MINDY4B: variants seen among roughly 807,000 people sequenced by gnomAD.
MINDY4B encodes the protein MINDY family member 4B, also known as inactive ubiquitin carboxyl-terminal hydrolase MINDY-4B.
Under a neutral mutation model 16.7 loss-of-function variants are expected in MINDY4B, and 25 were observed. The ratio of observed to expected loss-of-function variants is 1.49; its 90% CI spans 1.09 to 2.09. The LOEUF (loss-of-function observed/expected upper bound fraction) is 2.09, where lower values mean the gene tolerates loss of function less well. Among genes scored for constraint, MINDY4B ranks in the 30% most tolerant of loss-of-function variants. The pLI, the probability that MINDY4B is intolerant of heterozygous loss-of-function variation, is 0.00. For missense variants in MINDY4B, 327 were observed against 168.4 expected (o/e 1.94, Z -5.21); for synonymous variants, 132 against 61.9 (o/e 2.13, Z -5.32).
At chr3:150,890,771 G>T in intron 6 of MINDY4B, 167 bp downstream of exon 6, 1 of 550,038 alleles carries the variant, frequency 1.8e-6, no homozygotes, top group Non-Finnish European at 3.3e-6. Context: ...ACTCTTTGTT[G>T]TGTCTGCTTG....
rs1238477769 is a variant in MINDY4B, at chr3:150,875,501, C to T, written c.1060-2134G>A. ...TATACACATATATGATATTGTTTCA[C>T]AGAATATTTGTAATGTAGGTGAAAT... On this transcript the variant is annotated intron_variant, in intron 10 of 11. Transcript: ENST00000465419. Among the ~76,000 whole-genome samples, 4 of 152,070 alleles carry T rather than the reference C, an allele frequency of 2.6e-5. 1 individual carries two copies. Among genetic ancestry groups the T allele is most frequent in the South Asian group, 4.1e-4 (2 of 4,828 alleles).
In MINDY4B at chr3:150,880,688, T is replaced by C. The variant is rs189551236; in HGVS notation, c.1059+2209A>G. Among the ~76,000 whole-genome samples, 434 of 152,302 alleles carry C rather than the reference T, an allele frequency of 2.8e-3. 1 individual carries two copies. The highest frequency in any genetic ancestry group is 0.01 in the African/African-American group (422 of 41,570). On this transcript the variant is annotated intron_variant, in intron 10 of 11. Transcript: ENST00000465419. ...TTTCTAGTTTATAGCGAGGATCCAG[T>C]GAAATAATCTTATGAAAGAGCTTTT...
intron 8 of MINDY4B, among the ~76,000 whole-genome samples, chr3:150,884,171 C>T (rs151186080): frequency 6.6e-6 from 1 of 152,186 alleles, no homozygotes; most frequent in South Asian, 2.1e-4. Flanking sequence ...ATGGAAAACA[C>T]GGTTGTGGCC....
chr3:150,887,281 G>C (rs1209942492), intron 7 of MINDY4B, among the ~76,000 whole-genome samples: 1 of 152,222 alleles, frequency 6.6e-6, no homozygotes, highest in Non-Finnish European at 1.5e-5. Flanking sequence ...GTGGGATGGA[G>C]TGAGATGGTG....
Position 150,871,095 on chromosome 3 carries a change from TG to T in MINDY4B, c.1332del (p.Lys445SerfsTer68). 5.7e-6 allele frequency: 4 copies of T among 702,910 alleles called. No individual in the cohort carries two copies. The Admixed American group carries it at 8.0e-5, about 14-fold the overall frequency. 43.5% of individuals were successfully genotyped at this position (702,910 alleles called of 1,614,324 possible). ...CAGTTGATGGTGGCCTCGCTCCACT[TG>T]GTTCTGATTGCCATCTCCACTGGTG... ...RFSPVEMAIR[T>X]KWSEATINWN... On this transcript the variant is annotated frameshift_variant, in exon 12 of 12. Transcript: ENST00000465419. LOFTEE classifies it high-confidence loss of function.
intron 9 of MINDY4B, among the ~76,000 whole-genome samples, 194 bp downstream of exon 9, chr3:150,883,506 T>C (rs1251691201): frequency 1.3e-5 from 2 of 152,230 alleles, no homozygotes; most frequent in Non-Finnish European, 2.9e-5. Context: ...ACGGTAGATT[T>C]TGATGCAACC....
intron 7 of MINDY4B, among the ~76,000 whole-genome samples, chr3:150,885,958 T>G (rs779303406): frequency 4.6e-5 from 7 of 152,234 alleles, no homozygotes; most frequent in Non-Finnish European, 7.3e-5. Context: ...AGAACTTTTC[T>G]CCAGGTTTAT....
At chr3:150,886,571 G>T (rs1576612005) in intron 7 of MINDY4B, among the ~76,000 whole-genome samples, 1 of 152,222 alleles carries the variant, frequency 6.6e-6, no homozygotes, top group Non-Finnish European at 1.5e-5. Context: ...CCGTTCTGGA[G>T]GTTAAAAGTC....
chr3:150,889,918 G>A (rs139719889), intron 7 of MINDY4B, among the ~76,000 whole-genome samples: 1 of 152,320 alleles, frequency 6.6e-6, no homozygotes, highest in African/African-American at 2.4e-5. Flanking sequence ...TTTTCAAGAA[G>A]CCAATTACTT....
intron 10 of MINDY4B, among the ~76,000 whole-genome samples, chr3:150,879,474 C>T (rs4680012): frequency 0.73 from 110,515 of 151,996 alleles, 40,808 homozygotes; most frequent in Non-Finnish European, 0.79. Flanking sequence ...AAGTCCTGCT[C>T]TGGAACAGAG....
At chr3:150,892,533 C>G (rs553498710) in intron 5 of MINDY4B, among the ~76,000 whole-genome samples, 38 of 152,314 alleles carry the variant, frequency 2.5e-4, no homozygotes, top group African/African-American at 8.7e-4. Context: ...ATATTTAGCA[C>G]AGGGCTTTGC....
At chr3:150,898,246 C>A (rs1712027163) in intron 3 of MINDY4B, among the ~76,000 whole-genome samples, 1 of 152,160 alleles carries the variant, frequency 6.6e-6, no homozygotes, top group African/African-American at 2.4e-5. Flanking sequence ...TGGAAAAAGA[C>A]CAGAGACTGG....
intron 11 of MINDY4B, 43 bp downstream of exon 11, chr3:150,873,144 G>T: frequency 1.5e-6 from 1 of 681,858 alleles, no homozygotes; most frequent in South Asian, 1.6e-5. Context: ...GCATCTCTTT[G>T]AGCACATTAA....
At chr3:150,901,786 G>T (rs1712123416) in intron 3 of MINDY4B, among the ~76,000 whole-genome samples, 1 of 152,102 alleles carries the variant, frequency 6.6e-6, no homozygotes, top group Non-Finnish European at 1.5e-5. Flanking sequence ...CTCCCAAAGT[G>T]CTGGGATTCC....
In MINDY4B at chr3:150,871,060, G is replaced by A. The variant is rs116582492; in HGVS notation, c.1368C>T (p.Thr456=). ...WSEATINWNG[T]VPFF is the part of the protein sequence containing the mutation. ...TAGTTTCCCTTTAGAAGAAGGGAAC[G>A]GTCCCATTCCAGTTGATGGTGGCCT... is the stretch of plus-strand genomic sequence containing the variant. Residue 456 remains threonine (T), a synonymous_variant, in exon 12 of 12, where the codon ACC becomes ACT. Transcript: ENST00000465419. 8.4e-5 allele frequency: 59 copies of A among 702,904 alleles called. No individual in the cohort carries two copies. The highest frequency in any genetic ancestry group is 5.0e-4 in the South Asian group (34 of 67,588). The allele number at this position is 702,904 out of a possible 1,614,324, so 43.5% of individuals were successfully genotyped here. A position where few individuals can be genotyped will look rare whatever the true frequency, so the allele number is the denominator to read the frequency against.
intron 10 of MINDY4B, among the ~76,000 whole-genome samples, chr3:150,874,005 A>ATTTTTTTT (rs558319330): frequency 1.2e-5 from 1 of 81,986 alleles, no homozygotes; most frequent in African/African-American, 4.7e-5. Context: ...TTTAGCCTTG[A>ATTTTTTTT]TTTTTTTTTT....
intron 3 of MINDY4B, among the ~76,000 whole-genome samples, chr3:150,895,034 A>G (rs988812694): frequency 6.6e-6 from 1 of 152,246 alleles, no homozygotes; most frequent in African/African-American, 2.4e-5. Flanking sequence ...AAGAACTGGC[A>G]TTTGAATGAG....
intron 11 of MINDY4B, 22 bp downstream of exon 11, chr3:150,873,165 A>T: frequency 1.4e-6 from 1 of 698,334 alleles, no homozygotes; most frequent in Admixed American, 2.0e-5. Flanking sequence ...AATCCACAAC[A>T]CCTGGAGTCT....
chr3:150,888,297 C>A (rs569140), intron 7 of MINDY4B, among the ~76,000 whole-genome samples: 8,878 of 152,184 alleles, frequency 0.058, 279 homozygotes, highest in Middle Eastern at 0.082. Context: ...AAGATACCAG[C>A]CACTGGATTA....
Sources: allele counts gnomAD v4.1 joint callset (sites outside exome capture counted in the v4.1 genomes callset), GRCh38; gene constraint gnomAD v4.1.1; transcripts MANE v1.5; gene names NCBI Gene and HGNC (gene_info 2026-07-23, HGNC 2026-07-21).